Variants in ATXN10 observed in about 807,000 individuals in gnomAD.
ATXN10 encodes ataxin 10, also known as ataxin-10.
Under a neutral mutation model 52.9 loss-of-function variants are expected in ATXN10, and 28 were observed. That is an observed-to-expected ratio of 0.53 (90% CI 0.39 to 0.73). The LOEUF is 0.73. ATXN10 is among the 30% of genes least tolerant of loss of function. ATXN10 has a pLI of 0.00. For missense variants in ATXN10, 565 were observed against 577.0 expected (o/e 0.98, Z 0.21); for synonymous variants, 226 against 221.5 (o/e 1.02, Z -0.18).
chr22:45,700,056 C>A (rs1411806932), intron 3 of ATXN10, among the ~76,000 whole-genome samples: 1 of 152,136 alleles, frequency 6.6e-6, no homozygotes, highest in African/African-American at 2.4e-5. Context: ...AAGTGATCCA[C>A]CCGCCTTGGC....
In ATXN10 at chr22:45,789,063, G is replaced by T. The variant is rs896124197; in HGVS notation, c.1174-17896G>T. ...TTTTAAAAGCTCCCCAGGAGATGCAGATTGACAGTAAGGATGGAAAGTCAC... is the reference window on the plus strand; with the variant it reads ...TTTTAAAAGCTCCCCAGGAGATGCATATTGACAGTAAGGATGGAAAGTCAC... On this transcript the variant is annotated intron_variant, in intron 9 of 11. Transcript: ENST00000252934. The surrounding 1 kb of genome is among the most constrained non-coding windows in gnomAD (Gnocchi z 4.0). 6.6e-6 allele frequency among the ~76,000 whole-genome samples: 1 copy of T among 152,114 alleles called. No individual in the cohort carries two copies. The highest frequency in any genetic ancestry group is 2.4e-5 in the African/African-American group (1 of 41,410).
chr22:45,694,098 G>A (rs1923492190), intron 3 of ATXN10, among the ~76,000 whole-genome samples: 1 of 152,142 alleles, frequency 6.6e-6, no homozygotes, highest in South Asian at 2.1e-4. Flanking sequence ...TCTAAGTCAA[G>A]TATCTAGTGT....
At chr22:45,806,518 G>C (rs1928104468) in intron 9 of ATXN10, among the ~76,000 whole-genome samples, 1 of 152,128 alleles carries the variant, frequency 6.6e-6, no homozygotes, top group East Asian at 1.9e-4. Flanking sequence ...AAAACAAATA[G>C]TCAAATTTTA....
chr22:45,697,221 G>A (rs1020878848), intron 3 of ATXN10, among the ~76,000 whole-genome samples: 3 of 151,814 alleles, frequency 2.0e-5, no homozygotes, highest in African/African-American at 7.3e-5. Flanking sequence ...TACAGTCTCC[G>A]CCTCCCAGGT....
In ATXN10 at chr22:45,718,545, T is replaced by G; in HGVS notation, c.728+52T>G. ...AGTATTTAGCATTCCATATAGGGTA[T>G]TCGATGCACGTGACTGAAAAGCTGT... is the stretch of plus-strand genomic sequence containing the variant. On this transcript the variant is annotated intron_variant, in intron 6 of 11. Transcript: ENST00000252934. This position sits in a 1 kb window ranked among gnomAD's most constrained non-coding sequence, Gnocchi z 4.4. 6.9e-7 allele frequency: 1 copy of G among 1,446,934 alleles called. No individual in the cohort carries two copies. Among genetic ancestry groups the G allele is most frequent in the Non-Finnish European group, 9.7e-7 (1 of 1,027,840 alleles). The allele number at this position is 1,446,934 out of a possible 1,614,324, so 89.6% of individuals were successfully genotyped here.
chr22:45,815,136 C>G (rs556844655), intron 10 of ATXN10, among the ~76,000 whole-genome samples: 1 of 152,286 alleles, frequency 6.6e-6, no homozygotes, highest in South Asian at 2.1e-4. Flanking sequence ...GTGTTCATGT[C>G]ATGGAATACC....
chr22:45,672,311 C>T (rs558896476), intron 1 of ATXN10, 132 bp downstream of exon 1: 3 of 1,027,520 alleles, frequency 2.9e-6, no homozygotes, highest in Admixed American at 4.9e-5. Flanking sequence ...CGCGGGCTGC[C>T]TGAGCGCCAC....
At chr22:45,767,233 A>G (rs967241162) in intron 9 of ATXN10, among the ~76,000 whole-genome samples, 14 of 152,210 alleles carry the variant, frequency 9.2e-5, no homozygotes, top group African/African-American at 3.1e-4. Flanking sequence ...TGTCCATGTA[A>G]TGAAATACAA....
In ATXN10 at chr22:45,763,812, A is replaced by AC. The variant is rs1926483699; in HGVS notation, c.1173+23275dup. Among the ~76,000 whole-genome samples the AC allele has an allele frequency of 6.6e-6, 1 of 152,200 alleles. No homozygotes were observed. The highest frequency in any genetic ancestry group is 1.5e-5 in the Non-Finnish European group (1 of 68,038). ...TCTCTTCACCATTCTGGTGCTGGGA[A>AC]CAGCATAGCATGGTGGTGGAGTGGG... On this transcript the variant is annotated intron_variant, in intron 9 of 11. Transcript: ENST00000252934. The surrounding 1 kb of genome is among the most constrained non-coding windows in gnomAD (Gnocchi z 6.9).
intron 9 of ATXN10, among the ~76,000 whole-genome samples, chr22:45,764,146 A>G (rs1336619845): frequency 1.3e-5 from 2 of 151,960 alleles, no homozygotes; most frequent in Non-Finnish European, 2.9e-5. Context: ...CTTGCTTGCT[A>G]AGTCCACATT....
Position 45,715,773 on chromosome 22 carries a change from A to G in ATXN10, c.648-2640A>G, listed in dbSNP as rs924155776. ...TGTGTCATGTTCACTAAGGTAGACC[A>G]TAGGCTGGCCTGTACAAAAGTTTCA... On this transcript the variant is annotated intron_variant, in intron 5 of 11. Coordinates refer to ENST00000252934, the MANE Select transcript of ATXN10 (RefSeq NM_013236.4). The surrounding 1 kb of genome is among the most constrained non-coding windows in gnomAD (Gnocchi z 4.4). Among the ~76,000 whole-genome samples the G allele has an allele frequency of 1.3e-5, 2 of 152,324 alleles. No homozygotes were observed. Among genetic ancestry groups the G allele is most frequent in the African/African-American group, 4.8e-5 (2 of 41,570 alleles).
In ATXN10 at chr22:45,783,424, GT is replaced by G. The variant is rs1424334989; in HGVS notation, c.1174-23533del. Among the ~76,000 whole-genome samples, 3 of 152,226 alleles carry G rather than the reference GT, an allele frequency of 2.0e-5. No individual in the cohort carries two copies. Among genetic ancestry groups the G allele is most frequent in the Non-Finnish European group, 2.9e-5 (2 of 68,034 alleles). ...TCCTTGAATGAGGGTACAACTCTCT[GT>G]TCTTTTCTGAAGCACCAGTCTCTGT... On this transcript the variant is annotated intron_variant, in intron 9 of 11. Transcript: ENST00000252934. The surrounding 1 kb of genome is among the most constrained non-coding windows in gnomAD (Gnocchi z 5.0).
At chr22:45,830,564 A>G (rs1413876208) in intron 10 of ATXN10, among the ~76,000 whole-genome samples, 1 of 152,222 alleles carries the variant, frequency 6.6e-6, no homozygotes, top group Admixed American at 6.5e-5. Flanking sequence ...ACATTTCTCC[A>G]GTAAGATATA....
chr22:45,796,662 T>C (rs751714238), intron 9 of ATXN10, among the ~76,000 whole-genome samples: 138 of 152,178 alleles, frequency 9.1e-4, no homozygotes, highest in Non-Finnish European at 7.9e-4. Context: ...CGTTGAAATA[T>C]TGGGGGCTGG....
rs991529683 is a variant in ATXN10 at position 45,835,064 on chromosome 22, T to C, written c.1238-7927T>C. 1.3e-5 allele frequency among the ~76,000 whole-genome samples: 2 copies of C among 152,230 alleles called. No individual in the cohort carries two copies. Among genetic ancestry groups the C allele is most frequent in the Non-Finnish European group, 2.9e-5 (2 of 68,040 alleles). On this transcript the variant is annotated intron_variant, in intron 10 of 11. Coordinates refer to ENST00000252934, the MANE Select transcript of ATXN10 (RefSeq NM_013236.4). The surrounding 1 kb of genome is among the most constrained non-coding windows in gnomAD (Gnocchi z 5.0). ...AGTAAAATGATTCCAGAGCATGTCA[T>C]GTACAAAATTAGTTTCATTGCCACA...
At chr22:45,798,219 GAACA>G (rs1260497202) in intron 9 of ATXN10, among the ~76,000 whole-genome samples, 3 of 152,042 alleles carry the variant, frequency 2.0e-5, no homozygotes, top group Non-Finnish European at 4.4e-5. Context: ...CCTTAAAAGG[GAACA>G]AACAAAGTAA....
intron 9 of ATXN10, among the ~76,000 whole-genome samples, chr22:45,747,244 G>A (rs373283906): frequency 1.3e-5 from 2 of 152,190 alleles, no homozygotes; most frequent in Non-Finnish European, 2.9e-5. Context: ...GCTCAAGCTT[G>A]TAAACCCAGC....
rs1283085350 is a variant in ATXN10, at chr22:45,759,912, G to T, written c.1173+19374G>T. Among the ~76,000 whole-genome samples, 2 of 152,190 alleles carry T rather than the reference G, an allele frequency of 1.3e-5. No individual in the cohort carries two copies. Among genetic ancestry groups the T allele is most frequent in the Non-Finnish European group, 2.9e-5 (2 of 68,022 alleles). ...CTGTGTAATTATCACCCCAGTCAAG[G>T]TACAGAGAGCACCTCTATCCCCTCA... On this transcript the variant is annotated intron_variant, in intron 9 of 11. Transcript: ENST00000252934. The surrounding 1 kb of genome is among the most constrained non-coding windows in gnomAD (Gnocchi z 5.4).
chr22:45,743,343 T>C (rs993853955), intron 9 of ATXN10, among the ~76,000 whole-genome samples: 2 of 152,190 alleles, frequency 1.3e-5, no homozygotes, highest in Non-Finnish European at 2.9e-5. Flanking sequence ...AACGCCGAAA[T>C]CTTGTTCTGG....
Sources: allele counts gnomAD v4.1 joint callset (sites outside exome capture counted in the v4.1 genomes callset), GRCh38; gene constraint gnomAD v4.1.1; non-coding constraint Gnocchi (gnomAD v3.1); transcripts MANE v1.5; gene names NCBI Gene and HGNC (gene_info 2026-07-23, HGNC 2026-07-21).